TRPM3: variants seen among roughly 807,000 people sequenced by gnomAD.
The protein encoded by TRPM3 is transient receptor potential cation channel subfamily M member 3.
A neutral mutation model predicts 181.2 loss-of-function variants in TRPM3; 77 were observed. The ratio of observed to expected loss-of-function variants is 0.42; its 90% CI spans 0.35 to 0.51. TRPM3 has a LOEUF of 0.51. TRPM3 is among the 20% of genes least tolerant of loss of function. The pLI is 0.01. For missense variants in TRPM3, 1,759 were observed against 2,196.7 expected, an observed-to-expected ratio of 0.80 and a Z score of 3.98; for synonymous variants, 745 against 796.4, an observed-to-expected ratio of 0.94 and a Z score of 1.09.
At chr9:71,314,562 T>C (rs1156293770) in intron 1 of TRPM3, among the ~76,000 whole-genome samples, 1 of 152,120 alleles carries the variant, frequency 6.6e-6, no homozygotes, top group Non-Finnish European at 1.5e-5. Context: ...CTGATGTGCG[T>C]TGACAAGACA....
At chr9:71,240,045 C>T (rs571111008) in intron 1 of TRPM3, among the ~76,000 whole-genome samples, 9 of 152,230 alleles carry the variant, frequency 5.9e-5, no homozygotes, top group Admixed American at 3.9e-4. Context: ...TGAAAGGTTT[C>T]GTTCTTTTGT....
At chr9:71,392,484 T>C (rs1324739247) in intron 1 of TRPM3, among the ~76,000 whole-genome samples, 2 of 152,052 alleles carry the variant, frequency 1.3e-5, no homozygotes, top group East Asian at 3.9e-4. Flanking sequence ...TTTGTTGGGG[T>C]ATTTTTTGCC....
intron 9 of TRPM3, among the ~76,000 whole-genome samples, chr9:70,660,026 C>T (rs943045462): frequency 1.3e-5 from 2 of 152,128 alleles, no homozygotes; most frequent in Non-Finnish European, 2.9e-5. Flanking sequence ...GACTTAACAA[C>T]CTGCTAAAAA....
chr9:71,136,206 G>A (rs556830033), intron 1 of TRPM3, among the ~76,000 whole-genome samples: 9 of 152,230 alleles, frequency 5.9e-5, no homozygotes, highest in African/African-American at 2.2e-4. Flanking sequence ...GATCCAACTG[G>A]GTATTCAACC....
At chr9:70,929,392 G>T (rs998373171) in intron 1 of TRPM3, among the ~76,000 whole-genome samples, 2 of 152,030 alleles carry the variant, frequency 1.3e-5, no homozygotes, top group African/African-American at 4.8e-5. Flanking sequence ...AGTAGAGACG[G>T]AGTTTCACCA....
intron 6 of TRPM3, among the ~76,000 whole-genome samples, chr9:70,823,129 C>T (rs528284546): frequency 6.6e-6 from 1 of 152,184 alleles, no homozygotes; most frequent in East Asian, 1.9e-4. Context: ...TGCAGTGCTC[C>T]CCCCGACCCC....
At chr9:71,011,604 T>C (rs902336973) in intron 1 of TRPM3, among the ~76,000 whole-genome samples, 1 of 152,052 alleles carries the variant, frequency 6.6e-6, no homozygotes, top group African/African-American at 2.4e-5. Context: ...TATCTGCAAG[T>C]ATTTTCTCCA....
chr9:70,845,856 C>A (rs7045895), intron 4 of TRPM3, among the ~76,000 whole-genome samples: 55,714 of 152,000 alleles, frequency 0.37, 10,608 homozygotes, highest in Non-Finnish European at 0.38. Flanking sequence ...AGGAAGCAAA[C>A]ATTCTTTGGA....
chr9:71,376,889 AATC>A (rs2092680115), intron 1 of TRPM3, among the ~76,000 whole-genome samples: 3 of 152,062 alleles, frequency 2.0e-5, no homozygotes, highest in Admixed American at 2.0e-4. Context: ...TTTTTATGCT[AATC>A]ATAAAATTTA....
At chr9:70,816,143 T>C (rs1019411074) in intron 6 of TRPM3, among the ~76,000 whole-genome samples, 2 of 152,224 alleles carry the variant, frequency 1.3e-5, no homozygotes, top group East Asian at 1.9e-4. Context: ...GGATTCTCTG[T>C]ATCTTGATCT....
chr9:70,610,891 T>A, intron 18 of TRPM3, 142 bp from the exon 19 acceptor site: 1 of 910,990 alleles, frequency 1.1e-6, no homozygotes, highest in Non-Finnish European at 1.6e-6. Flanking sequence ...GTACCTTCCC[T>A]AAGAGTGCAT....
chr9:71,282,358 A>G (rs868352760), intron 1 of TRPM3, among the ~76,000 whole-genome samples: 3 of 78,844 alleles, frequency 3.8e-5, no homozygotes, highest in African/African-American at 2.1e-4. Flanking sequence ...AGAAAGAAAG[A>G]AAAAGAAAGA....
chr9:71,416,249 G>A lies in TRPM3; in HGVS notation c.183+30404C>T, dbSNP rs146607554. On this transcript the variant is annotated intron_variant, in intron 1 of 24. Coordinates refer to the TRPM3 transcript ENST00000357533. The stretch of plus-strand genomic sequence containing the variant: ...AGAACAGAGAAAAGTTAATCAATAC[G>A]TTAGTATGTTTTTCCTTACAAATTT... 7.5e-3 allele frequency among the ~76,000 whole-genome samples: 1,136 copies of A among 151,724 alleles called. 3 individuals carry two copies. The highest frequency in any genetic ancestry group is 0.013 in the Non-Finnish European group (852 of 67,796).
intron 7 of TRPM3, among the ~76,000 whole-genome samples, chr9:70,772,504 G>A (rs2080507682): frequency 6.6e-6 from 1 of 151,850 alleles, no homozygotes; most frequent in Admixed American, 6.6e-5. Context: ...CATATTTTTT[G>A]TAGAGACAGG....
intron 1 of TRPM3, among the ~76,000 whole-genome samples, chr9:70,955,454 C>G (rs2097057894): frequency 6.6e-6 from 1 of 152,178 alleles, no homozygotes. Flanking sequence ...TACCATGTCT[C>G]TAGTTCTGAA....
At chr9:70,766,396 A>G (rs2079127196) in intron 7 of TRPM3, among the ~76,000 whole-genome samples, 1 of 152,180 alleles carries the variant, frequency 6.6e-6, no homozygotes, top group African/African-American at 2.4e-5. Context: ...TGGGAATCTA[A>G]GAGCTAACCT....
At chr9:71,125,661 G>A (rs1007544332), upstream of TRPM3, among the ~76,000 whole-genome samples, 5 of 152,086 alleles carry the variant, frequency 3.3e-5, no homozygotes, top group Non-Finnish European at 5.9e-5. Flanking sequence ...GAACATAGGT[G>A]TACATTATCT....
chr9:70,650,519 T>C (rs1273286895), intron 9 of TRPM3, among the ~76,000 whole-genome samples: 1 of 152,220 alleles, frequency 6.6e-6, no homozygotes, highest in Non-Finnish European at 1.5e-5. Flanking sequence ...TCAAGTTTAA[T>C]ATTTTTTAAA....
chr9:70,920,327 T>C (rs572607282), intron 1 of TRPM3, among the ~76,000 whole-genome samples: 10 of 152,344 alleles, frequency 6.6e-5, no homozygotes, highest in Non-Finnish European at 1.5e-4. Context: ...TTTTGTTTCA[T>C]TGCTTAGTGG....
Sources: gnomAD v4.1 joint callset for allele counts (sites outside exome capture counted in the v4.1 genomes callset) on GRCh38, gnomAD v4.1.1 for gene constraint, MANE v1.5 for transcripts, NCBI Gene and HGNC (gene_info 2026-07-23, HGNC 2026-07-21) for gene names.